Variants in SRPK2 observed in about 807,000 individuals in gnomAD.
SRPK2 encodes SRSF protein kinase 2.
A neutral mutation model predicts 90.8 loss-of-function variants in SRPK2; 21 were observed. That is an observed-to-expected ratio of 0.23 (90% CI 0.16 to 0.33). The LOEUF is 0.33. SRPK2 is among the 10% of genes least tolerant of loss of function. SRPK2 has a pLI of 1.00. For missense variants in SRPK2, 620 were observed against 869.0 expected (o/e 0.71, Z 3.60); for synonymous variants, 288 against 311.1 (o/e 0.93, Z 0.78).
rs1563025964 is a variant in SRPK2, at chr7:105,170,906, AG to A, written c.230-1642del. Among the ~76,000 whole-genome samples the A allele has an allele frequency of 2.7e-4, 30 of 112,018 alleles. 1 individual carries two copies. The highest frequency in any genetic ancestry group is 2.4e-4 in the African/African-American group (7 of 28,664). The allele number at this position is 112,018 out of a possible 152,430, so 73.5% of individuals were successfully genotyped here. ...AAGAAAGAAAGAAAGAAAGAAAGAA[AG>A]AAAGAAAGGAGAAAGAAAAAGAAAA... On this transcript the variant is annotated intron_variant, in intron 3 of 15. Coordinates refer to ENST00000393651, the MANE Select transcript of SRPK2 (RefSeq NM_182692.3).
intron 3 of SRPK2, among the ~76,000 whole-genome samples, chr7:105,176,453 C>T (rs955284376): frequency 6.6e-6 from 1 of 151,774 alleles, no homozygotes; most frequent in African/African-American, 2.4e-5. Flanking sequence ...CTAACTAGTA[C>T]AGTCATGCAA....
intron 2 of SRPK2, among the ~76,000 whole-genome samples, chr7:105,293,573 T>C (rs573398150): frequency 9.5e-4 from 137 of 144,692 alleles, no homozygotes; most frequent in African/African-American, 3.2e-3. Context: ...GAACCCACCA[T>C]CACACTCGGC....
chr7:105,160,314 C>A, intron 7 of SRPK2, 193 bp downstream of exon 7: 1 of 378,108 alleles, frequency 2.6e-6, no homozygotes, highest in Non-Finnish European at 4.7e-6. Context: ...CCCTTCACAA[C>A]ACAAAATATC....
chr7:105,138,596 C>G (rs1036986540), intron 11 of SRPK2, among the ~76,000 whole-genome samples: 1 of 152,194 alleles, frequency 6.6e-6, no homozygotes, highest in Non-Finnish European at 1.5e-5. Context: ...CCCATGAGTT[C>G]AGGACTGGCA....
At chr7:105,314,420 T>C (rs1016183894) in intron 2 of SRPK2, among the ~76,000 whole-genome samples, 4 of 152,100 alleles carry the variant, frequency 2.6e-5, no homozygotes, top group African/African-American at 9.7e-5. Context: ...AGAGTCTTGC[T>C]CTGTCACCCA....
chr7:105,221,096 A>G (rs1250607366), intron 2 of SRPK2, among the ~76,000 whole-genome samples: 1 of 152,228 alleles, frequency 6.6e-6, no homozygotes, highest in East Asian at 1.9e-4. Flanking sequence ...AGTTTTCGAC[A>G]AAAATCTCTA....
intron 2 of SRPK2, among the ~76,000 whole-genome samples, chr7:105,237,224 G>A (rs1175190139): frequency 6.6e-6 from 1 of 152,194 alleles, no homozygotes; most frequent in Non-Finnish European, 1.5e-5. Context: ...GCTGCCAGAT[G>A]ATTTTTTATT....
chr7:105,359,751 T>A (rs936807857), intron 2 of SRPK2, among the ~76,000 whole-genome samples: 5 of 152,166 alleles, frequency 3.3e-5, no homozygotes, highest in African/African-American at 1.2e-4. Flanking sequence ...AACCCCCACC[T>A]TTTTTGCCAT....
chr7:105,294,884 T>C (rs1323953600), intron 2 of SRPK2, among the ~76,000 whole-genome samples: 1 of 152,104 alleles, frequency 6.6e-6, no homozygotes, highest in Non-Finnish European at 1.5e-5. Context: ...TCTCTAATAA[T>C]ATGTCTTTTG....
intron 2 of SRPK2, among the ~76,000 whole-genome samples, chr7:105,350,519 AATTTT>A (rs1817041629): frequency 7.3e-6 from 1 of 137,404 alleles, no homozygotes; most frequent in African/African-American, 2.6e-5. Flanking sequence ...TGGTTGCTAC[AATTTT>A]TTTTCTTTTT....
chr7:105,149,218 A>G (rs1021084660), intron 7 of SRPK2, among the ~76,000 whole-genome samples: 1 of 152,218 alleles, frequency 6.6e-6, no homozygotes, highest in East Asian at 1.9e-4. Context: ...CATTTGTTCA[A>G]TTCTCAGATG....
At chr7:105,203,904 G>A in intron 2 of SRPK2, 119 bp from the exon 3 acceptor site, 1 of 1,202,378 alleles carries the variant, frequency 8.3e-7, no homozygotes, top group Non-Finnish European at 1.1e-6. Context: ...AAGAAGAAAT[G>A]TCATTTAATG....
intron 3 of SRPK2, among the ~76,000 whole-genome samples, chr7:105,170,967 G>GAAAGAAAGAAAGAAAGAGAA (rs66735717): frequency 1.3e-5 from 1 of 74,462 alleles, no homozygotes; most frequent in Non-Finnish European, 2.7e-5. Flanking sequence ...AAGAAAGAAA[G>GAAAGAAAGAAAGAAAGAGAA]AGAAAGAAAG....
chr7:105,320,718 A>G (rs529398482), intron 2 of SRPK2, among the ~76,000 whole-genome samples: 1 of 152,330 alleles, frequency 6.6e-6, no homozygotes, highest in South Asian at 2.1e-4. Flanking sequence ...TCCTTTTTTT[A>G]ACCCATTTAT....
At chr7:105,325,840 G>T (rs1813518525) in intron 2 of SRPK2, among the ~76,000 whole-genome samples, 1 of 152,192 alleles carries the variant, frequency 6.6e-6, no homozygotes, top group South Asian at 2.1e-4. Flanking sequence ...AACAAGAGAA[G>T]ACCCTGTCTC....
chr7:105,208,155 A>T (rs922397878), intron 2 of SRPK2, among the ~76,000 whole-genome samples: 1 of 152,244 alleles, frequency 6.6e-6, no homozygotes, highest in Non-Finnish European at 1.5e-5. Flanking sequence ...AGTTTAAGGA[A>T]GGATGAAGAA....
chr7:105,388,922 G>GCGCCGCCGCCGC (rs754679660), upstream of SRPK2: 1 of 1,200,146 alleles, frequency 8.3e-7, no homozygotes, highest in Non-Finnish European at 1.0e-6. Context: ...AACCGCGCCT[G>GCGCCGCCGCCGC]CGCCGCCGCC....
intron 3 of SRPK2, among the ~76,000 whole-genome samples, chr7:105,200,904 T>C (rs1215941757): frequency 1.3e-5 from 2 of 152,218 alleles, no homozygotes; most frequent in South Asian, 2.1e-4. Flanking sequence ...ACTGGGCAAC[T>C]GGCAGTACCT....
At chr7:105,303,030 C>T (rs1258244230) in intron 2 of SRPK2, among the ~76,000 whole-genome samples, 5 of 151,796 alleles carry the variant, frequency 3.3e-5, no homozygotes, top group African/African-American at 9.7e-5. Flanking sequence ...GCCTAGTTTG[C>T]GCCGCTGCAC....
Sources: allele counts gnomAD v4.1 joint callset (sites outside exome capture counted in the v4.1 genomes callset), GRCh38; gene constraint gnomAD v4.1.1; transcripts MANE v1.5; gene names NCBI Gene and HGNC (gene_info 2026-07-23, HGNC 2026-07-21).